The following VRK1 variants were observed in gnomAD, a reference collection of about 807,000 sequenced individuals.
VRK1 encodes VRK serine/threonine kinase 1.
A neutral mutation model predicts 57.1 loss-of-function variants in VRK1; 33 were observed. The observed-to-expected ratio is 0.58, with a 90% CI of 0.44 to 0.77. The LOEUF is 0.77. Among genes scored for constraint, VRK1 ranks in the 30% least tolerant of loss-of-function variants. The probability of loss-of-function intolerance (pLI) is 0.00; values close to 1 mark genes in which losing one functional copy is unlikely to be tolerated. For synonymous variants in VRK1, 137 were observed against 147.8 expected (o/e 0.93, Z 0.53); for missense variants, 413 against 477.3 (o/e 0.87, Z 1.25).
chr14:96,828,296 T>A (rs971971292), intron 1 of VRK1, among the ~76,000 whole-genome samples: 1 of 152,196 alleles, frequency 6.6e-6, no homozygotes, highest in African/African-American at 2.4e-5. Flanking sequence ...AAATGAATTT[T>A]CAAAATGATC....
intron 2 of VRK1, among the ~76,000 whole-genome samples, chr14:96,835,551 G>T (rs1015975790): frequency 6.6e-6 from 1 of 152,024 alleles, no homozygotes; most frequent in Non-Finnish European, 1.5e-5. Context: ...CTGAGTCCAG[G>T]CCTGTAGCCA....
intron 1 of VRK1, among the ~76,000 whole-genome samples, chr14:96,826,577 A>G (rs575729743): frequency 3.3e-5 from 5 of 152,342 alleles, no homozygotes; most frequent in East Asian, 1.9e-4. Context: ...AGACTTGCAT[A>G]GAGTCAGAGG....
At chr14:96,842,217 C>G in intron 3 of VRK1, among the ~76,000 whole-genome samples, 1 of 152,180 alleles carries the variant, frequency 6.6e-6, no homozygotes, top group Admixed American at 6.5e-5. Flanking sequence ...TCAACTTCCT[C>G]ATGTCATTCA....
chr14:96,846,065 G>A (rs1187253333), intron 3 of VRK1, 30 bp from the exon 4 acceptor site: 2 of 1,569,918 alleles, frequency 1.3e-6, no homozygotes, highest in East Asian at 4.5e-5. Context: ...TTTAACTACT[G>A]CTAGTACTAA....
chr14:96,840,147 C>A (rs569070164), intron 3 of VRK1, among the ~76,000 whole-genome samples: 1 of 152,252 alleles, frequency 6.6e-6, no homozygotes, highest in Admixed American at 6.5e-5. Flanking sequence ...GTTTGGTCTT[C>A]CCCCTTTTGC....
intron 12 of VRK1, chr14:96,877,568 A>G: frequency 7.8e-6 from 10 of 1,289,614 alleles, no homozygotes; most frequent in Non-Finnish European, 1.0e-5. Context: ...AGCAGCAGCT[A>G]TGACAGTGAG....
chr14:96,830,145 A>C (rs995035864), intron 1 of VRK1, among the ~76,000 whole-genome samples: 6 of 152,100 alleles, frequency 3.9e-5, no homozygotes, highest in African/African-American at 1.4e-4. Flanking sequence ...AAGTATTTTC[A>C]TTTACTATTA....
intron 2 of VRK1, among the ~76,000 whole-genome samples, chr14:96,835,408 C>T (rs190437663): frequency 8.5e-5 from 13 of 152,286 alleles, no homozygotes; most frequent in Admixed American, 1.3e-4. Context: ...ATAGGCACTT[C>T]TGTGTGCTCC....
intron 10 of VRK1, among the ~76,000 whole-genome samples, chr14:96,859,605 A>G (rs922905090): frequency 5.3e-5 from 8 of 152,160 alleles, no homozygotes; most frequent in African/African-American, 1.7e-4. Flanking sequence ...TGCCTGGCAC[A>G]TAGGAGGTGC....
chr14:96,844,005 G>A (rs1887572232), intron 3 of VRK1, among the ~76,000 whole-genome samples: 1 of 152,182 alleles, frequency 6.6e-6, no homozygotes, highest in South Asian at 2.1e-4. Context: ...GGTTGAAACT[G>A]AATAAATCAG....
At chr14:96,841,662 A>G (rs1279215536) in intron 3 of VRK1, among the ~76,000 whole-genome samples, 3 of 152,182 alleles carry the variant, frequency 2.0e-5, no homozygotes, top group Admixed American at 6.5e-5. Flanking sequence ...GTTCAAGACC[A>G]GCCTGGCCAA....
At chr14:96,804,499 G>A (rs1198970800) in intron 1 of VRK1, among the ~76,000 whole-genome samples, 1 of 152,148 alleles carries the variant, frequency 6.6e-6, no homozygotes, top group Admixed American at 6.5e-5. Context: ...GTAAGAACTG[G>A]CTATTTTTGG....
At chr14:96,832,618 C>A (rs181674023) in intron 1 of VRK1, among the ~76,000 whole-genome samples, 3 of 152,208 alleles carry the variant, frequency 2.0e-5, no homozygotes, top group Non-Finnish European at 4.4e-5. Context: ...CCAGTCAGTA[C>A]TCTTTTCACA....
At chr14:96,857,639 G>T (rs1415703934) in intron 10 of VRK1, among the ~76,000 whole-genome samples, 1 of 152,202 alleles carries the variant, frequency 6.6e-6, no homozygotes, top group Non-Finnish European at 1.5e-5. Context: ...AGAGGCCACT[G>T]CAGTAACCCA....
rs142420421 is a variant in VRK1 at position 96,806,292 on chromosome 14, C to T, written c.-6+8845C>T. Among the ~76,000 whole-genome samples, 111 of 152,300 alleles carry T rather than the reference C, an allele frequency of 7.3e-4. 1 individual carries two copies. The East Asian group carries it at 8.3e-3, about 11-fold the overall frequency. On this transcript the variant is annotated intron_variant, in intron 1 of 12. Transcript: ENST00000216639. ...CCCATCCTCCATGGGTATATAAGAG[C>T]TTCTTGGCTCTTACAGAAGTAGGCA...
At chr14:96,828,885 C>T (rs764197294) in intron 1 of VRK1, among the ~76,000 whole-genome samples, 1 of 152,140 alleles carries the variant, frequency 6.6e-6, no homozygotes, top group Non-Finnish European at 1.5e-5. Context: ...CCTGAGGCCA[C>T]CTGAGATTAT....
rs142489167 is a variant in VRK1 at position 96,865,894 on chromosome 14, G to A, written c.1068+5159G>A. 7.3e-5 allele frequency among the ~76,000 whole-genome samples: 11 copies of A among 151,700 alleles called. No individual in the cohort carries two copies. The East Asian group carries it at 2.1e-3, about 29-fold the overall frequency. ...TGTAATGATTGTTTTGTTTAGCTGTGTGGTTTCATTGTTATCCTTTTGTCT... is the reference window on the plus strand; with the variant it reads ...TGTAATGATTGTTTTGTTTAGCTGTATGGTTTCATTGTTATCCTTTTGTCT... On this transcript the variant is annotated intron_variant, in intron 11 of 12. Transcript: ENST00000216639.
At chr14:96,880,762 T>C (rs1296343044) in intron 12 of VRK1, among the ~76,000 whole-genome samples, 1 of 152,230 alleles carries the variant, frequency 6.6e-6, no homozygotes, top group East Asian at 1.9e-4. Flanking sequence ...GCTTTGCTTT[T>C]CATAACATGT....
chr14:96,846,721 A>G (rs762492139), intron 4 of VRK1, among the ~76,000 whole-genome samples: 2 of 151,816 alleles, frequency 1.3e-5, no homozygotes, highest in Non-Finnish European at 2.9e-5. Flanking sequence ...CCAGAAAAAA[A>G]AAAAAGCTAC....
Sources: gnomAD v4.1 joint callset for allele counts (sites outside exome capture counted in the v4.1 genomes callset) on GRCh38, gnomAD v4.1.1 for gene constraint, MANE v1.5 for transcripts, NCBI Gene and HGNC (gene_info 2026-07-23, HGNC 2026-07-21) for gene names.